ARL13B: variants seen among roughly 807,000 people sequenced by gnomAD.
ARL13B encodes ADP-ribosylation factor-like protein 13B.
ARL13B carries 36 observed loss-of-function variants against 56.1 expected under a neutral mutation model. The observed-to-expected ratio is 0.64, with a 90% CI of 0.49 to 0.85. The LOEUF (loss-of-function observed/expected upper bound fraction) is 0.85, where lower values mean the gene tolerates loss of function less well. Among genes scored for constraint, ARL13B ranks in the 40% least tolerant of loss-of-function variants. The probability of loss-of-function intolerance (pLI) is 0.00; values close to 1 mark genes in which losing one functional copy is unlikely to be tolerated. For missense variants in ARL13B, 519 were observed against 507.1 expected (o/e 1.02, Z -0.23); for synonymous variants, 178 against 171.1 (o/e 1.04, Z -0.32).
intron 2 of ARL13B, 55 bp downstream of exon 2, chr3:93,995,999 T>C (rs568058092): frequency 4.6e-6 from 7 of 1,538,452 alleles, no homozygotes; most frequent in Middle Eastern, 1.7e-4. Flanking sequence ...TTCTGAATTA[T>C]TTATTTTGTT....
At chr3:93,981,875 A>AG (rs1334562757) in intron 1 of ARL13B, among the ~76,000 whole-genome samples, 5 of 150,692 alleles carry the variant, frequency 3.3e-5, no homozygotes, top group Non-Finnish European at 5.9e-5. Context: ...CAAAAAAAAA[A>AG]AAAAAAAAAA....
In ARL13B at chr3:94,053,900, C is replaced by T. The variant is rs1198724682; in HGVS notation, c.*637C>T. On this transcript the variant is annotated 3_prime_UTR_variant, in exon 10 of 10. Transcript: ENST00000394222. ...ATAGCGTTGTTCTTTAAGTGTACAT[C>T]GTAATTTGACCTAATTTAAAAATAA... 6.3e-6 allele frequency: 2 copies of T among 315,336 alleles called. No individual in the cohort carries two copies. Among genetic ancestry groups the T allele is most frequent in the South Asian group, 2.8e-5 (1 of 35,970 alleles). The allele number at this position is 315,336 out of a possible 1,614,324, so 19.5% of individuals were successfully genotyped here.
chr3:94,039,806 C>A lies in ARL13B; in HGVS notation c.690-74C>A. The A allele has an allele frequency of 3.3e-6, 4 of 1,198,136 alleles. No homozygotes were observed. In the South Asian group the frequency reaches 5.2e-5, roughly 15 times the overall value. The allele number at this position is 1,198,136 out of a possible 1,614,324, so 74.2% of individuals were successfully genotyped here. ...AATTACTACATGTAATAGCCTTATACCTATTGCAGTTTTCTTTAACATGGT... is the reference window on the plus strand; with the variant it reads ...AATTACTACATGTAATAGCCTTATAACTATTGCAGTTTTCTTTAACATGGT... On this transcript the variant is annotated intron_variant, in intron 5 of 9. Coordinates refer to ENST00000394222, the MANE Select transcript of ARL13B (RefSeq NM_001174150.2).
intron 3 of ARL13B, among the ~76,000 whole-genome samples, chr3:94,026,073 G>C (rs956088599): frequency 2.0e-5 from 3 of 148,830 alleles, no homozygotes; most frequent in African/African-American, 7.5e-5. Context: ...AGGCTGGAGT[G>C]CAGTGGCACC....
chr3:94,045,185 A>T (rs775123886), intron 7 of ARL13B, among the ~76,000 whole-genome samples: 2 of 152,186 alleles, frequency 1.3e-5, no homozygotes, highest in African/African-American at 2.4e-5. Flanking sequence ...GTGTCAACTC[A>T]GGGTTAAATG....
At chr3:94,019,936 C>G (rs2076413644) in intron 3 of ARL13B, among the ~76,000 whole-genome samples, 2 of 152,322 alleles carry the variant, frequency 1.3e-5, no homozygotes, top group South Asian at 4.1e-4. Flanking sequence ...AATGTCACTC[C>G]TGAGTTAGGA....
At chr3:94,010,388 A>G (rs1333414326) in intron 3 of ARL13B, among the ~76,000 whole-genome samples, 3 of 152,088 alleles carry the variant, frequency 2.0e-5, no homozygotes, top group Non-Finnish European at 4.4e-5. Flanking sequence ...GTTTCAAAGT[A>G]TTTCATCTTA....
chr3:93,989,264 T>TA (rs1710623576), intron 1 of ARL13B, among the ~76,000 whole-genome samples: 1 of 152,232 alleles, frequency 6.6e-6, no homozygotes, highest in Admixed American at 6.5e-5. Flanking sequence ...TAATTTTACT[T>TA]AGTATTTACT....
At chr3:94,042,990 G>GATA (rs1385858653) in intron 6 of ARL13B, 25 bp from the exon 7 acceptor site, 1 of 1,543,640 alleles carries the variant, frequency 6.5e-7, no homozygotes, top group Non-Finnish European at 8.8e-7. Flanking sequence ...TCATAGTAAA[G>GATA]ATAATGTATT....
At position 94,036,567 on chromosome 3, in the gene ARL13B, A is replaced by G. The variant is rs748838191; in HGVS notation, c.502A>G (p.Ile168Val). The G allele has an allele frequency of 3.6e-5, 58 of 1,614,004 alleles. No homozygotes were observed. In the South Asian group the frequency reaches 5.2e-4, roughly 14 times the overall value. The change falls in exon 5 of 10, where the codon ATC becomes GTC. Residue 168 changes from isoleucine (I) to valine (V), a missense_variant. Physicochemically the swap from Ile to Val is conservative, Grantham distance 29 (BLOSUM62 3). Transcript: ENST00000394222. Reference sequence around the variant, plus strand: ...TCTGTTTTAGGAACCATGTTCAGCAATCTCGGGGTATGGAAAGAAAATTGA... The same window carrying G: ...TCTGTTTTAGGAACCATGTTCAGCAGTCTCGGGGTATGGAAAGAAAATTGA... Reference protein sequence around the residue: ...CLCQIEPCSAISGYGKKIDKS... With the variant: ...CLCQIEPCSAVSGYGKKIDKS...
chr3:94,023,639 T>G (rs2076495764), intron 3 of ARL13B, among the ~76,000 whole-genome samples: 1 of 152,150 alleles, frequency 6.6e-6, no homozygotes, highest in African/African-American at 2.4e-5. Context: ...GTGACTTGCC[T>G]AAGGCCACAC....
chr3:93,980,503 C>G (rs1271520123), intron 1 of ARL13B, 21 bp downstream of exon 1: 2 of 1,608,514 alleles, frequency 1.2e-6, no homozygotes, highest in South Asian at 2.2e-5. Flanking sequence ...GCCAGCTGTC[C>G]TGGCCGTCCT....
chr3:94,052,722 T>G (rs1185424492), intron 9 of ARL13B, among the ~76,000 whole-genome samples: 1 of 152,138 alleles, frequency 6.6e-6, no homozygotes, highest in Admixed American at 6.5e-5. Flanking sequence ...GCTTTTATTT[T>G]TAAAAGGGAA....
chr3:94,032,254 A>G (rs2076689025), intron 3 of ARL13B, among the ~76,000 whole-genome samples: 1 of 152,192 alleles, frequency 6.6e-6, no homozygotes, highest in African/African-American at 2.4e-5. Flanking sequence ...ATGAATAGTC[A>G]TTTTTCAAAA....
chr3:94,000,399 A>T (rs2076034464), intron 2 of ARL13B, among the ~76,000 whole-genome samples: 1 of 151,120 alleles, frequency 6.6e-6, no homozygotes, highest in South Asian at 2.1e-4. Flanking sequence ...GGTAAAAAAA[A>T]ATCTAGGATT....
Position 94,053,994 on chromosome 3 carries a change from A to T in ARL13B, c.*731A>T, listed in dbSNP as rs1002417764. On this transcript the variant is annotated 3_prime_UTR_variant, in exon 10 of 10. Coordinates refer to ENST00000394222, the MANE Select transcript of ARL13B (RefSeq NM_001174150.2). Reference sequence around the variant, plus strand: ...TTACATGATTTGAAAACAGTACTCAATGAGACTGGAAATACCTTTTGTACC... The same window carrying T: ...TTACATGATTTGAAAACAGTACTCATTGAGACTGGAAATACCTTTTGTACC... The T allele has an allele frequency of 2.5e-6, 1 of 405,588 alleles. No homozygotes were observed. Among genetic ancestry groups the T allele is most frequent in the African/African-American group, 2.1e-5 (1 of 48,196 alleles). 25.1% of individuals were successfully genotyped at this position (405,588 alleles called of 1,614,324 possible).
At chr3:94,004,287 T>C (rs1161910187) in intron 3 of ARL13B, among the ~76,000 whole-genome samples, 2 of 152,170 alleles carry the variant, frequency 1.3e-5, no homozygotes, top group African/African-American at 2.4e-5. Flanking sequence ...TAAAGAGTTA[T>C]TATTTCAGAG....
chr3:94,001,327 A>C (rs2107420846), intron 2 of ARL13B, among the ~76,000 whole-genome samples: 1 of 152,138 alleles, frequency 6.6e-6, no homozygotes, highest in Non-Finnish European at 1.5e-5. Flanking sequence ...CTGCTATATA[A>C]CCTTGAAAAA....
intron 3 of ARL13B, among the ~76,000 whole-genome samples, chr3:94,014,131 C>A (rs1199274717): frequency 3.3e-5 from 5 of 152,138 alleles, no homozygotes; most frequent in Non-Finnish European, 5.9e-5. Flanking sequence ...TTATGCATCT[C>A]ATTTTCAATA....
Sources: allele counts gnomAD v4.1 joint callset (sites outside exome capture counted in the v4.1 genomes callset), GRCh38; gene constraint gnomAD v4.1.1; transcripts MANE v1.5; gene names NCBI Gene and HGNC (gene_info 2026-07-23, HGNC 2026-07-21).